Variants in ZFAND3 observed in about 807,000 individuals in gnomAD.
The protein encoded by ZFAND3 is AN1-type zinc finger protein 3.
A neutral mutation model predicts 29.6 loss-of-function variants in ZFAND3; 10 were observed. The ratio of observed to expected loss-of-function variants is 0.34; its 90% confidence interval spans 0.21 to 0.57. The LOEUF (loss-of-function observed/expected upper bound fraction) is 0.57. Among genes scored for constraint, ZFAND3 ranks in the 20% least tolerant of loss-of-function variants. ZFAND3 has a pLI of 0.86. For synonymous variants in ZFAND3, 128 were observed against 112.6 expected (o/e 1.14, Z -0.87); for missense variants, 230 against 304.5 (o/e 0.76, Z 1.82).
chr6:37,923,289 G>A (rs1391979232), intron 1 of ZFAND3, among the ~76,000 whole-genome samples: 1 of 152,112 alleles, frequency 6.6e-6, no homozygotes, highest in Non-Finnish European at 1.5e-5. Context: ...TGCTTTTAAA[G>A]CTTTTTTGTT....
chr6:38,000,270 T>C (rs1321243074), intron 2 of ZFAND3, among the ~76,000 whole-genome samples: 1 of 152,170 alleles, frequency 6.6e-6, no homozygotes, highest in Non-Finnish European at 1.5e-5. Context: ...TATAAATTCT[T>C]CTCATCTAAT....
chr6:37,966,815 C>T (rs542896615), intron 2 of ZFAND3, among the ~76,000 whole-genome samples: 2 of 152,252 alleles, frequency 1.3e-5, no homozygotes, highest in South Asian at 4.1e-4. Flanking sequence ...CACACGTCCC[C>T]ATAATGCCCC....
chr6:38,142,805 A>T (rs1765991087), intron 5 of ZFAND3, among the ~76,000 whole-genome samples: 1 of 152,210 alleles, frequency 6.6e-6, no homozygotes, highest in Non-Finnish European at 1.5e-5. Flanking sequence ...TCAGCTACTG[A>T]AATGAAATGA....
intron 5 of ZFAND3, among the ~76,000 whole-genome samples, chr6:38,124,581 C>T (rs920382593): frequency 1.9e-4 from 29 of 152,214 alleles, no homozygotes; most frequent in Non-Finnish European, 4.3e-4. Flanking sequence ...GGCCTGGGTG[C>T]TAAGCCCCTC....
chr6:37,977,248 G>A (rs1762496067), intron 2 of ZFAND3, among the ~76,000 whole-genome samples: 1 of 152,098 alleles, frequency 6.6e-6, no homozygotes, highest in Non-Finnish European at 1.5e-5. Context: ...TCGTATAACT[G>A]TATTTCTTTT....
intron 2 of ZFAND3, among the ~76,000 whole-genome samples, chr6:38,015,715 G>A (rs956989772): frequency 6.6e-6 from 1 of 152,176 alleles, no homozygotes; most frequent in Non-Finnish European, 1.5e-5. Flanking sequence ...GCAAAATCTT[G>A]TGTTTGTGGA....
chr6:37,892,429 A>G (rs1765121918), intron 1 of ZFAND3, among the ~76,000 whole-genome samples: 1 of 152,114 alleles, frequency 6.6e-6, no homozygotes, highest in South Asian at 2.1e-4. Context: ...GATGCTCTTA[A>G]ACATTTTTTA....
chr6:38,018,827 A>T (rs575541942), intron 2 of ZFAND3, among the ~76,000 whole-genome samples: 1 of 152,330 alleles, frequency 6.6e-6, no homozygotes, highest in South Asian at 2.1e-4. Flanking sequence ...TGATGGGTCA[A>T]AGTGTATGTG....
At chr6:37,986,395 T>G (rs1244670710) in intron 2 of ZFAND3, among the ~76,000 whole-genome samples, 1 of 152,128 alleles carries the variant, frequency 6.6e-6, no homozygotes, top group Non-Finnish European at 1.5e-5. Context: ...TTGAATGGAT[T>G]TTTGGGGTGG....
chr6:37,968,460 T>G (rs1358025822), intron 2 of ZFAND3, among the ~76,000 whole-genome samples: 2 of 151,428 alleles, frequency 1.3e-5, no homozygotes, highest in Non-Finnish European at 2.9e-5. Flanking sequence ...GTAGGAAGCC[T>G]GAAGCTGGGT....
chr6:37,983,884 C>T (rs1762621967), intron 2 of ZFAND3, among the ~76,000 whole-genome samples: 2 of 152,162 alleles, frequency 1.3e-5, no homozygotes, highest in Non-Finnish European at 2.9e-5. Context: ...GATGTTCACA[C>T]AACAATGAAA....
intron 3 of ZFAND3, among the ~76,000 whole-genome samples, chr6:38,075,956 G>A (rs1395459760): frequency 6.6e-6 from 1 of 152,140 alleles, no homozygotes; most frequent in African/African-American, 2.4e-5. Flanking sequence ...GTTTCACCGT[G>A]TTAGCCAGGA....
rs13552 is a variant in ZFAND3, at chr6:38,153,184, C to T, written c.*795C>T. The T allele has an allele frequency of 0.084, 82,903 of 985,462 alleles. 3,618 individuals carry two copies. Among genetic ancestry groups the T allele is most frequent in the Non-Finnish European group, 0.091 (75,329 of 829,936 alleles). 61.0% of individuals were successfully genotyped at this position (985,462 alleles called of 1,614,324 possible). On this transcript the variant is annotated 3_prime_UTR_variant, in exon 6 of 6. Coordinates refer to ENST00000287218, the MANE Select transcript of ZFAND3 (RefSeq NM_021943.3). ...CATTCGCCAGTGCAGGGATCTGGCA[C>T]GGACCAGATGTGGCGAATGGCAGCA... is the stretch of plus-strand genomic sequence containing the variant.
intron 2 of ZFAND3, among the ~76,000 whole-genome samples, chr6:38,058,129 A>T (rs773445321): frequency 3.3e-5 from 5 of 152,162 alleles, no homozygotes; most frequent in Non-Finnish European, 7.4e-5. Flanking sequence ...TGTGGGTGGG[A>T]CCTGGTATTC....
intron 2 of ZFAND3, among the ~76,000 whole-genome samples, chr6:38,059,869 C>CT (rs1764200979): frequency 1.3e-5 from 2 of 152,282 alleles, no homozygotes; most frequent in South Asian, 2.1e-4. Context: ...GAGTGAGACT[C>CT]TGTCTCAAGA....
At chr6:38,142,376 G>A (rs1037273731) in intron 5 of ZFAND3, 1 of 471,070 alleles carries the variant, frequency 2.1e-6, no homozygotes, top group Non-Finnish European at 4.4e-6. Context: ...TGCCTTCAGG[G>A]AGGCTAAACA....
At chr6:38,077,988 A>G (rs1441822072) in intron 3 of ZFAND3, among the ~76,000 whole-genome samples, 1 of 152,170 alleles carries the variant, frequency 6.6e-6, no homozygotes, top group Non-Finnish European at 1.5e-5. Context: ...TCACTTTGAA[A>G]TGTGTGTGTT....
At chr6:38,009,450 G>A (rs1056451749) in intron 2 of ZFAND3, among the ~76,000 whole-genome samples, 7 of 152,158 alleles carry the variant, frequency 4.6e-5, no homozygotes, top group African/African-American at 1.7e-4. Context: ...TTCCCACCCT[G>A]CAGTCTTCAG....
intron 5 of ZFAND3, chr6:38,142,226 G>A (rs761737206): frequency 2.1e-6 from 1 of 471,352 alleles, no homozygotes. Flanking sequence ...GGTCAGTTGG[G>A]AAAGATGGGG....
Sources: gnomAD v4.1 joint callset for allele counts (sites outside exome capture counted in the v4.1 genomes callset) on GRCh38, gnomAD v4.1.1 for gene constraint, MANE v1.5 for transcripts, NCBI Gene and HGNC (gene_info 2026-07-23, HGNC 2026-07-21) for gene names.